Variants in DGKB observed in about 807,000 individuals in gnomAD.
DGKB encodes the protein diacylglycerol kinase beta.
DGKB carries 67 observed loss-of-function variants against 114.3 expected under a neutral mutation model. The observed-to-expected ratio is 0.59, with a 90% CI of 0.48 to 0.72. DGKB has a LOEUF of 0.72. Among genes scored for constraint, DGKB ranks in the 30% least tolerant of loss-of-function variants. DGKB has a pLI of 0.00. For missense variants in DGKB, 907 were observed against 975.2 expected (o/e 0.93, Z 0.93); for synonymous variants, 398 against 323.1 (o/e 1.23, Z -2.49).
At chr7:14,883,818 A>G (rs1474274939) in intron 1 of DGKB, among the ~76,000 whole-genome samples, 1 of 152,070 alleles carries the variant, frequency 6.6e-6, no homozygotes, top group African/African-American at 2.4e-5. Context: ...TAGTGAAAGA[A>G]GCACATATAC....
intron 12 of DGKB, among the ~76,000 whole-genome samples, chr7:14,678,920 A>G (rs996606713): frequency 6.6e-6 from 1 of 152,026 alleles, no homozygotes; most frequent in Non-Finnish European, 1.5e-5. Flanking sequence ...AAAAGACAAG[A>G]GTAAAAAAAA....
At chr7:14,661,601 C>T (rs1473971606) in intron 13 of DGKB, among the ~76,000 whole-genome samples, 5 of 152,126 alleles carry the variant, frequency 3.3e-5, no homozygotes, top group East Asian at 1.9e-4. Flanking sequence ...TTTTACACTG[C>T]TGGTAGGACT....
intron 13 of DGKB, among the ~76,000 whole-genome samples, chr7:14,638,610 C>A (rs1375197020): frequency 6.6e-6 from 1 of 152,086 alleles, no homozygotes; most frequent in Non-Finnish European, 1.5e-5. Flanking sequence ...GAGATACACC[C>A]TTTTGCTGGG....
intron 21 of DGKB, among the ~76,000 whole-genome samples, chr7:14,438,057 A>G (rs1829543426): frequency 6.6e-6 from 1 of 151,960 alleles, no homozygotes; most frequent in African/African-American, 2.4e-5. Flanking sequence ...AAGTTTGAGA[A>G]ATTCTGAAGT....
intron 20 of DGKB, among the ~76,000 whole-genome samples, chr7:14,535,751 C>T (rs1792372133): frequency 1.3e-5 from 2 of 152,122 alleles, no homozygotes; most frequent in South Asian, 4.2e-4. Context: ...CCACGCCCAG[C>T]TGATTTTAAT....
At chr7:14,285,926 T>C (rs866182782) in intron 23 of DGKB, among the ~76,000 whole-genome samples, 1 of 152,118 alleles carries the variant, frequency 6.6e-6, no homozygotes, top group Non-Finnish European at 1.5e-5. Flanking sequence ...GAAAACCCTG[T>C]GTTTGGATCT....
intron 23 of DGKB, among the ~76,000 whole-genome samples, chr7:14,325,739 A>G (rs549290693): frequency 6.6e-6 from 1 of 152,254 alleles, no homozygotes; most frequent in African/African-American, 2.4e-5. Context: ...ATAAACTAAA[A>G]TATGGATCAC....
chr7:14,477,047 G>A (rs1466414045), intron 21 of DGKB, among the ~76,000 whole-genome samples: 1 of 152,046 alleles, frequency 6.6e-6, no homozygotes, highest in Non-Finnish European at 1.5e-5. Context: ...ACCGTGCCCG[G>A]CCTACTAAAA....
At chr7:14,369,678 T>C (rs1344552068) in intron 21 of DGKB, among the ~76,000 whole-genome samples, 1 of 152,180 alleles carries the variant, frequency 6.6e-6, no homozygotes, top group Non-Finnish European at 1.5e-5. Flanking sequence ...CCAGTGATGA[T>C]TATCTTTTTT....
chr7:14,357,657 T>C (rs1294393950), intron 21 of DGKB, among the ~76,000 whole-genome samples: 1 of 152,186 alleles, frequency 6.6e-6, no homozygotes, highest in Non-Finnish European at 1.5e-5. Flanking sequence ...AGCTGGTTAT[T>C]TTGCCCGTTA....
chr7:14,688,510 G>C (rs745607165), intron 9 of DGKB, among the ~76,000 whole-genome samples: 1 of 152,082 alleles, frequency 6.6e-6, no homozygotes, highest in Non-Finnish European at 1.5e-5. Context: ...GGGTTGTGTT[G>C]TGTAACATCC....
chr7:14,191,993 C>T, intron 23 of DGKB: 1 of 583,490 alleles, frequency 1.7e-6, no homozygotes, highest in East Asian at 5.5e-5. Context: ...TGGCAAGCTC[C>T]TGTGTTGAGA....
At chr7:14,530,166 G>C (rs1045240916) in intron 20 of DGKB, among the ~76,000 whole-genome samples, 21 of 151,556 alleles carry the variant, frequency 1.4e-4, no homozygotes, top group African/African-American at 4.6e-4. Context: ...GTTTTTTAAA[G>C]TAATAACTTA....
At chr7:14,901,422 A>G (rs541284323) in intron 1 of DGKB, among the ~76,000 whole-genome samples, 153 of 152,294 alleles carry the variant, frequency 1.0e-3, no homozygotes, top group African/African-American at 3.5e-3. Flanking sequence ...TTCTTCTCCT[A>G]TGGAATATAT....
intron 1 of DGKB, among the ~76,000 whole-genome samples, chr7:14,900,343 C>T (rs757044420): frequency 6.6e-6 from 1 of 152,132 alleles, no homozygotes; most frequent in Non-Finnish European, 1.5e-5. Context: ...TTGCTCTGGG[C>T]AAGTGCTCCT....
intron 23 of DGKB, among the ~76,000 whole-genome samples, chr7:14,312,962 TA>T (rs1562905961): frequency 1.3e-5 from 2 of 152,206 alleles, no homozygotes; most frequent in Admixed American, 6.5e-5. Context: ...GAACTGATAT[TA>T]TTTTCAAATG....
chr7:14,330,245 A>G (rs1809488734), intron 23 of DGKB, among the ~76,000 whole-genome samples: 1 of 151,964 alleles, frequency 6.6e-6, no homozygotes, highest in African/African-American at 2.4e-5. Flanking sequence ...TTCCCTTGCA[A>G]CTATTAAATT....
chr7:14,893,173 T>C (rs941598309), intron 1 of DGKB, among the ~76,000 whole-genome samples: 14 of 151,398 alleles, frequency 9.2e-5, no homozygotes, highest in African/African-American at 3.1e-4. Context: ...CCTGAACTCC[T>C]ACTCACTCAA....
intron 23 of DGKB, among the ~76,000 whole-genome samples, chr7:14,218,919 C>CA (rs1789461350): frequency 6.6e-6 from 1 of 151,972 alleles, no homozygotes; most frequent in South Asian, 2.1e-4. Flanking sequence ...TCCAATCCCC[C>CA]ACCTCTCACC....
Sources: allele counts gnomAD v4.1 joint callset (sites outside exome capture counted in the v4.1 genomes callset), GRCh38; gene constraint gnomAD v4.1.1; transcripts MANE v1.5; gene names NCBI Gene and HGNC (gene_info 2026-07-23, HGNC 2026-07-21).